The following NAALADL2 variants were observed in gnomAD, a reference collection of about 807,000 sequenced individuals.
NAALADL2 encodes the protein N-acetylated alpha-linked acidic dipeptidase like 2.
Under a neutral mutation model 87.2 loss-of-function variants are expected in NAALADL2, and 76 were observed. The ratio of observed to expected loss-of-function variants is 0.87; its 90% CI spans 0.72 to 1.05. The LOEUF (loss-of-function observed/expected upper bound fraction) is 1.05, where lower values mean the gene tolerates loss of function less well. NAALADL2 is among the 50% of genes least tolerant of loss of function. The pLI is 0.00. For synonymous variants in NAALADL2, 354 were observed against 331.0 expected, an observed-to-expected ratio of 1.07 and a Z score of -0.75; for missense variants, 1,089 against 945.8, an observed-to-expected ratio of 1.15 and a Z score of -1.99.
intron 1 of NAALADL2, among the ~76,000 whole-genome samples, chr3:174,882,528 C>T (rs1463516666): frequency 1.4e-5 from 2 of 143,280 alleles, no homozygotes; most frequent in Admixed American, 6.8e-5. Context: ...TGCATATACA[C>T]ATATATGCAT....
chr3:175,797,737 A>G (rs1475286592), intron 13 of NAALADL2, among the ~76,000 whole-genome samples: 1 of 152,080 alleles, frequency 6.6e-6, no homozygotes, highest in East Asian at 1.9e-4. Context: ...TGTTTGACCA[A>G]TTCAATTTTA....
chr3:175,803,248 CA>C lies in NAALADL2; in HGVS notation c.*49del, dbSNP rs1560034369. ...AAAAGTTTGTTTACAATTCCACAAG[CA>C]AAAGCTCTAATTTAACCAGATTTTC... is the stretch of plus-strand genomic sequence containing the variant. On this transcript the variant is annotated 3_prime_UTR_variant, in exon 14 of 14. Coordinates refer to ENST00000454872, the MANE Select transcript of NAALADL2 (RefSeq NM_207015.3). The C allele has an allele frequency of 7.0e-6, 10 of 1,434,760 alleles. No homozygotes were observed. In the Middle Eastern group the frequency reaches 1.4e-3, roughly 205 times the overall value. 88.9% of individuals were successfully genotyped at this position (1,434,760 alleles called of 1,614,324 possible). A position where few individuals can be genotyped will look rare whatever the true frequency, so the allele number is the denominator to read the frequency against.
rs1754500378 is a variant in NAALADL2, at chr3:175,804,154, CA to C, written c.*955del. On this transcript the variant is annotated 3_prime_UTR_variant, in exon 14 of 14. Coordinates refer to ENST00000454872, the MANE Select transcript of NAALADL2 (RefSeq NM_207015.3). ...AGTAGCAGAGTTTCTCTTTGAAACC[CA>C]AAATGTCTTCTAAAGAATCAAATTT... 1 of 151,808 alleles carries C rather than the reference CA, an allele frequency of 6.6e-6. No individual in the cohort carries two copies. The highest frequency in any genetic ancestry group is 2.4e-5 in the African/African-American group (1 of 41,382). The allele number at this position is 151,808 out of a possible 1,614,324, so 9.4% of individuals were successfully genotyped here. A position where few individuals can be genotyped will look rare whatever the true frequency, so the allele number is the denominator to read the frequency against.
chr3:174,531,788 C>T (rs1055056703), intron 1 of NAALADL2, among the ~76,000 whole-genome samples: 1 of 152,070 alleles, frequency 6.6e-6, no homozygotes, highest in Non-Finnish European at 1.5e-5. Flanking sequence ...TCTGCTGGGC[C>T]TACGGATTAC....
chr3:174,804,086 T>C (rs1287617247), intron 3 of NAALADL2, among the ~76,000 whole-genome samples: 1 of 152,204 alleles, frequency 6.6e-6, no homozygotes, highest in Non-Finnish European at 1.5e-5. Context: ...CAATATTGAT[T>C]CTTCCTATTC....
intron 1 of NAALADL2, among the ~76,000 whole-genome samples, chr3:174,947,012 C>T (rs1404854104): frequency 2.0e-5 from 3 of 152,104 alleles, no homozygotes; most frequent in African/African-American, 7.2e-5. Context: ...AAGCTAGAAC[C>T]GTCACTTAGT....
At chr3:174,495,762 G>A (rs78480610) in intron 1 of NAALADL2, among the ~76,000 whole-genome samples, 62,994 of 150,708 alleles carry the variant, frequency 0.42, 14,097 homozygotes, top group East Asian at 0.88. Context: ...TAGCAAAAAT[G>A]AAAAAAATAG....
intron 10 of NAALADL2, among the ~76,000 whole-genome samples, chr3:175,626,773 T>C (rs1004517741): frequency 8.6e-5 from 13 of 152,022 alleles, no homozygotes; most frequent in African/African-American, 2.4e-4. Flanking sequence ...CTCTTAAGTA[T>C]TGGTGCCACT....
At chr3:175,001,243 T>C (rs1748185236) in intron 1 of NAALADL2, among the ~76,000 whole-genome samples, 1 of 152,168 alleles carries the variant, frequency 6.6e-6, no homozygotes, top group Non-Finnish European at 1.5e-5. Flanking sequence ...TCTGATTCAG[T>C]AGGTCTAGAG....
chr3:175,387,229 G>A (rs954939310), intron 5 of NAALADL2, among the ~76,000 whole-genome samples: 1 of 152,100 alleles, frequency 6.6e-6, no homozygotes, highest in African/African-American at 2.4e-5. Context: ...ACTATCTGCG[G>A]TTTCAGGCAT....
intron 1 of NAALADL2, among the ~76,000 whole-genome samples, chr3:175,044,126 A>G (rs536072827): frequency 6.6e-6 from 1 of 152,116 alleles, no homozygotes; most frequent in African/African-American, 2.4e-5. Flanking sequence ...TTTTGATGCT[A>G]TTGTAAATGG....
At position 175,425,901 on chromosome 3, in the gene NAALADL2, G is replaced by A. The variant is rs189321745; in HGVS notation, c.1091-21328G>A. Reference sequence around the variant, plus strand: ...TTGTTTTTCAGCTGAGGAAATAAGAGTTCTAGGTGGTGATAAATACTGAGA... The same window carrying A: ...TTGTTTTTCAGCTGAGGAAATAAGAATTCTAGGTGGTGATAAATACTGAGA... On this transcript the variant is annotated intron_variant, in intron 5 of 13. Coordinates refer to ENST00000454872, the MANE Select transcript of NAALADL2 (RefSeq NM_207015.3). 5.9e-5 allele frequency among the ~76,000 whole-genome samples: 9 copies of A among 152,096 alleles called. 1 individual carries two copies. The highest frequency in any genetic ancestry group is 1.2e-4 in the African/African-American group (5 of 41,396).
chr3:174,711,001 T>C (rs752565841), intron 2 of NAALADL2, among the ~76,000 whole-genome samples: 8 of 152,160 alleles, frequency 5.3e-5, no homozygotes, highest in Non-Finnish European at 1.2e-4. Context: ...CACAGCCACA[T>C]CAAAGAAAAT....
chr3:175,706,208 T>A lies in NAALADL2; in HGVS notation c.1897-31098T>A, dbSNP rs1000245498. Among the ~76,000 whole-genome samples the A allele has an allele frequency of 1.8e-4, 27 of 152,226 alleles. 1 individual carries two copies. Among genetic ancestry groups the A allele is most frequent in the African/African-American group, 6.5e-4 (27 of 41,564 alleles). On this transcript the variant is annotated intron_variant, in intron 11 of 13. Transcript: ENST00000454872. ...GCCCATTCGAATCATATCTGTCTTATAAGTATGCCCAAAATCTGTGACTTC... is the reference window on the plus strand; with the variant it reads ...GCCCATTCGAATCATATCTGTCTTAAAAGTATGCCCAAAATCTGTGACTTC...
rs138828722 is a variant in NAALADL2, at chr3:175,203,222, C to G, written c.546-30709C>G. On this transcript the variant is annotated intron_variant, in intron 2 of 13. Coordinates refer to ENST00000454872, the MANE Select transcript of NAALADL2 (RefSeq NM_207015.3). ...TCTCCCTGTGGTGTTTCCTGCCCCC[C>G]TCACCCCACTCCTCTGGCCACCGTC... is the stretch of plus-strand genomic sequence containing the variant. 1.6e-3 allele frequency among the ~76,000 whole-genome samples: 237 copies of G among 152,220 alleles called. 1 individual carries two copies. The highest frequency in any genetic ancestry group is 5.5e-3 in the African/African-American group (229 of 41,540).
intron 9 of NAALADL2, among the ~76,000 whole-genome samples, chr3:175,512,105 A>G (rs919617928): frequency 5.9e-5 from 9 of 152,124 alleles, no homozygotes; most frequent in Non-Finnish European, 1.0e-4. Context: ...TTAACTTGGC[A>G]TAGCGGTGAG....
Position 174,704,694 on chromosome 3 carries a change from TA to T in NAALADL2, c.-114-32938del, listed in dbSNP as rs562259278. On this transcript the variant is annotated intron_variant, in intron 2 of 3. Transcript: ENST00000434257. ...TACATACCATGTGATGGAAAATAGA[TA>T]AAAAAAAACTTCCCAAGGTATGGGA... is the stretch of plus-strand genomic sequence containing the variant. Among the ~76,000 whole-genome samples, 962 of 149,882 alleles carry T rather than the reference TA, an allele frequency of 6.4e-3. 7 individuals carry two copies. Among genetic ancestry groups the T allele is most frequent in the African/African-American group, 0.022 (911 of 40,814 alleles).
intron 1 of NAALADL2, among the ~76,000 whole-genome samples, chr3:174,886,885 G>A (rs1730223545): frequency 6.6e-6 from 1 of 151,982 alleles, no homozygotes; most frequent in Non-Finnish European, 1.5e-5. Context: ...TGGGTCCTTT[G>A]GCCATGTCTT....
At chr3:175,684,154 TAA>T (rs566709588) in intron 11 of NAALADL2, among the ~76,000 whole-genome samples, 10 of 143,338 alleles carry the variant, frequency 7.0e-5, no homozygotes, top group African/African-American at 2.5e-4. Context: ...GCAATCACTT[TAA>T]AAAAAAAAAA....
Sources: gnomAD v4.1 joint callset for allele counts (sites outside exome capture counted in the v4.1 genomes callset) on GRCh38, gnomAD v4.1.1 for gene constraint, MANE v1.5 for transcripts, NCBI Gene and HGNC (gene_info 2026-07-23, HGNC 2026-07-21) for gene names.